NKD1: variants seen among roughly 807,000 people sequenced by gnomAD.
NKD1 encodes the protein protein naked cuticle homolog 1.
A neutral mutation model predicts 56.0 loss-of-function variants in NKD1; 21 were observed. That is an observed-to-expected ratio of 0.38 (90% CI 0.27 to 0.54). The LOEUF is 0.54. Ranked by LOEUF, NKD1 falls within the 20% of genes least tolerant of loss-of-function variation. NKD1 has a pLI of 0.82. For synonymous variants in NKD1, 263 were observed against 265.7 expected (o/e 0.99, Z 0.10); for missense variants, 578 against 642.7 (o/e 0.90, Z 1.09).
At chr16:50,596,694 C>T (rs1340217612) in intron 3 of NKD1, among the ~76,000 whole-genome samples, 2 of 152,232 alleles carry the variant, frequency 1.3e-5, no homozygotes, top group South Asian at 2.1e-4. Flanking sequence ...CGAGTGCCTC[C>T]GCCGTCAGGC....
intron 4 of NKD1, among the ~76,000 whole-genome samples, chr16:50,617,964 T>C (rs540732819): frequency 6.6e-5 from 10 of 152,220 alleles, no homozygotes; most frequent in African/African-American, 1.9e-4. Flanking sequence ...GTTGCAACAG[T>C]TCAACTCTGC....
Position 50,603,478 on chromosome 16 carries a change from C to T in NKD1, c.193-4816C>T, listed in dbSNP as rs543474458. On this transcript the variant is annotated intron_variant, in intron 3 of 9. Coordinates refer to ENST00000268459, the MANE Select transcript of NKD1 (RefSeq NM_033119.5). ...GGTTACAGGGTGGCCTAGGCCCTGCCCCCCTCCTCTTTCCCCGGCACATCC... is the reference window on the plus strand; with the variant it reads ...GGTTACAGGGTGGCCTAGGCCCTGCTCCCCTCCTCTTTCCCCGGCACATCC... Among the ~76,000 whole-genome samples, 41 of 152,322 alleles carry T rather than the reference C, an allele frequency of 2.7e-4. 1 individual carries two copies. The South Asian group carries it at 4.8e-3, about 18-fold the overall frequency.
rs1962730899 is a variant in NKD1, at chr16:50,649,004, T to C, written c.*15223T>C. 6.6e-6 allele frequency: 1 copy of C among 152,196 alleles called. No homozygotes were observed. The highest frequency in any genetic ancestry group is 2.1e-4 in the South Asian group (1 of 4,832). 9.4% of individuals were successfully genotyped at this position (152,196 alleles called of 1,614,324 possible). A position where few individuals can be genotyped will look rare whatever the true frequency, so the allele number is the denominator to read the frequency against. On this transcript the variant is annotated 3_prime_UTR_variant, in exon 10 of 10. Transcript: ENST00000268459. Reference sequence around the variant, plus strand: ...TTTAGACTATTATATGAGGAAGCAATCAACTTCTCACTTGTTTCAACCACT... The same window carrying C: ...TTTAGACTATTATATGAGGAAGCAACCAACTTCTCACTTGTTTCAACCACT...
Position 50,608,282 on chromosome 16 carries a change from G to A in NKD1, c.193-12G>A. On this transcript the variant is annotated splice_polypyrimidine_tract_variant and intron_variant, in intron 3 of 9. Coordinates refer to ENST00000268459, the MANE Select transcript of NKD1 (RefSeq NM_033119.5). ...AACCCCTGCTCAATGCCTCTGCTCTGTCTTCTTGTAGGAGCTCGTGGGCGA... is the reference window on the plus strand; with the variant it reads ...AACCCCTGCTCAATGCCTCTGCTCTATCTTCTTGTAGGAGCTCGTGGGCGA... 6.2e-7 allele frequency: 1 copy of A among 1,607,246 alleles called. No individual in the cohort carries two copies. Among genetic ancestry groups the A allele is most frequent in the Non-Finnish European group, 8.5e-7 (1 of 1,174,074 alleles).
At chr16:50,553,189 T>A (rs1806981524) in intron 3 of NKD1, among the ~76,000 whole-genome samples, 1 of 151,980 alleles carries the variant, frequency 6.6e-6, no homozygotes, top group South Asian at 2.1e-4. Context: ...TGAAAAAGCT[T>A]AATAGATAGA....
At chr16:50,602,636 A>G (rs1470060869) in intron 3 of NKD1, among the ~76,000 whole-genome samples, 1 of 152,088 alleles carries the variant, frequency 6.6e-6, no homozygotes, top group Non-Finnish European at 1.5e-5. Context: ...TCTGGAAGTC[A>G]CCGTGGCTGT....
intron 4 of NKD1, among the ~76,000 whole-genome samples, chr16:50,609,344 T>A (rs1290568069): frequency 2.0e-5 from 3 of 152,168 alleles, no homozygotes; most frequent in African/African-American, 7.2e-5. Context: ...TGAAGCAGAG[T>A]GTTTCCTGAA....
intron 4 of NKD1, among the ~76,000 whole-genome samples, chr16:50,610,548 C>T (rs1392643054): frequency 6.6e-6 from 1 of 152,220 alleles, no homozygotes; most frequent in African/African-American, 2.4e-5. Flanking sequence ...ACTGAGGGGT[C>T]CCTCTGTGCT....
intron 3 of NKD1, among the ~76,000 whole-genome samples, chr16:50,550,249 T>A (rs1960349823): frequency 6.6e-6 from 1 of 152,146 alleles, no homozygotes; most frequent in South Asian, 2.1e-4. Flanking sequence ...CGTTCACAGA[T>A]GTCCTGTGAG....
intron 3 of NKD1, chr16:50,571,614 C>A: frequency 1.4e-6 from 1 of 728,484 alleles, no homozygotes; most frequent in Non-Finnish European, 1.7e-6. Context: ...CCTAACTCCT[C>A]CCCTTCCTTC....
At chr16:50,549,987 C>T (rs1053445941) in intron 3 of NKD1, among the ~76,000 whole-genome samples, 1 of 152,106 alleles carries the variant, frequency 6.6e-6, no homozygotes, top group Admixed American at 6.5e-5. Context: ...TTCTGATTGT[C>T]TGTGGCATTC....
chr16:50,560,301 G>A (rs1048670344), intron 3 of NKD1, among the ~76,000 whole-genome samples: 1 of 152,212 alleles, frequency 6.6e-6, no homozygotes, highest in Non-Finnish European at 1.5e-5. Flanking sequence ...GTGTGCCCGC[G>A]AGCTGCCCAC....
chr16:50,565,426 C>T (rs577486075), intron 3 of NKD1, among the ~76,000 whole-genome samples: 1 of 151,864 alleles, frequency 6.6e-6, no homozygotes, highest in South Asian at 2.1e-4. Context: ...TGCTTGTAAT[C>T]ACAGCACTTT....
chr16:50,570,395 C>T (rs188980099), intron 3 of NKD1, among the ~76,000 whole-genome samples: 15 of 152,038 alleles, frequency 9.9e-5, no homozygotes, highest in African/African-American at 3.6e-4. Context: ...CACAGAATAC[C>T]TGTGATATTA....
Position 50,548,508 on chromosome 16 carries a change from G to T in NKD1, c.-46G>T, listed in dbSNP as rs1960286494. ...GCCAAGGGAGGCGCCAGGCCCGCGG[G>T]CCGGGCGCATGGCTTAGGGACGCTC... On this transcript the variant is annotated 5_prime_UTR_variant, in exon 1 of 10. Coordinates refer to ENST00000268459, the MANE Select transcript of NKD1 (RefSeq NM_033119.5). The T allele has an allele frequency of 7.0e-7, 1 of 1,421,208 alleles. No individual in the cohort carries two copies. Among genetic ancestry groups the T allele is most frequent in the Non-Finnish European group, 9.2e-7 (1 of 1,088,678 alleles). The allele number at this position is 1,421,208 out of a possible 1,614,324, so 88.0% of individuals were successfully genotyped here.
At chr16:50,601,922 T>C (rs1356310838) in intron 3 of NKD1, among the ~76,000 whole-genome samples, 2 of 152,188 alleles carry the variant, frequency 1.3e-5, no homozygotes, top group African/African-American at 4.8e-5. Context: ...GGGAGGAGGA[T>C]GCCCCCAGCC....
chr16:50,600,174 G>T (rs1355618971), intron 3 of NKD1, among the ~76,000 whole-genome samples: 3 of 152,100 alleles, frequency 2.0e-5, no homozygotes, highest in African/African-American at 7.2e-5. Flanking sequence ...GGGGCAAGTG[G>T]TGGGTGTCTT....
In NKD1 at chr16:50,633,081, G is replaced by T; in HGVS notation, c.824-111G>T. Reference sequence around the variant, plus strand: ...GGCAGTGAGGGGCAGTCAGGGCATTGGGGGGTAGCTCTGGTTTTGGAGAAC... The same window carrying T: ...GGCAGTGAGGGGCAGTCAGGGCATTTGGGGGTAGCTCTGGTTTTGGAGAAC... On this transcript the variant is annotated intron_variant, in intron 9 of 9. Coordinates refer to ENST00000268459, the MANE Select transcript of NKD1 (RefSeq NM_033119.5). This position sits in a 1 kb window ranked among gnomAD's most constrained non-coding sequence, Gnocchi z 4.9. 6 of 974,642 alleles carry T rather than the reference G, an allele frequency of 6.2e-6. No homozygotes were observed. In the South Asian group the frequency reaches 9.7e-5, roughly 16 times the overall value. The allele number at this position is 974,642 out of a possible 1,614,324, so 60.4% of individuals were successfully genotyped here.
rs1374375610 is a variant in NKD1, at chr16:50,641,452, TTTAA to T, written c.*7678_*7681del. 6.6e-6 allele frequency: 1 copy of T among 152,202 alleles called. No individual in the cohort carries two copies. The highest frequency in any genetic ancestry group is 6.5e-5 in the Admixed American group (1 of 15,290). 9.4% of individuals were successfully genotyped at this position (152,202 alleles called of 1,614,324 possible). A position where few individuals can be genotyped will look rare whatever the true frequency, so the allele number is the denominator to read the frequency against. On this transcript the variant is annotated 3_prime_UTR_variant, in exon 10 of 10. Transcript: ENST00000268459. ...TGACCCATCAAGGGTTTCAAAAATTTTTAATTAATTTCCAAAATCTGAGGGTTTC... is the reference window on the plus strand; with the variant it reads ...TGACCCATCAAGGGTTTCAAAAATTTTTAATTTCCAAAATCTGAGGGTTTC...
Sources: gnomAD v4.1 joint callset for allele counts (sites outside exome capture counted in the v4.1 genomes callset) on GRCh38, gnomAD v4.1.1 for gene constraint, Gnocchi (gnomAD v3.1) non-coding constraint, MANE v1.5 for transcripts, NCBI Gene and HGNC (gene_info 2026-07-23, HGNC 2026-07-21) for gene names.